Variants in WNT3A observed in about 807,000 individuals in gnomAD.
WNT3A encodes Wnt family member 3A.
A neutral mutation model predicts 37.0 loss-of-function variants in WNT3A; 17 were observed. The ratio of observed to expected loss-of-function variants is 0.46; its 90% CI spans 0.31 to 0.69. WNT3A has a LOEUF of 0.69. Ranked by LOEUF, WNT3A falls within the 30% of genes least tolerant of loss-of-function variation. The pLI is 0.05. For synonymous variants in WNT3A, 187 were observed against 211.0 expected (o/e 0.89, Z 0.99); for missense variants, 411 against 510.2 (o/e 0.81, Z 1.87).
Position 228,050,551 on chromosome 1 carries a change from C to T in WNT3A, c.314-105C>T. 1 of 1,406,944 alleles carries T rather than the reference C, an allele frequency of 7.1e-7. No homozygotes were observed. The highest frequency in any genetic ancestry group is 9.4e-7 in the Non-Finnish European group (1 of 1,060,770). The allele number at this position is 1,406,944 out of a possible 1,614,324, so 87.2% of individuals were successfully genotyped here. The stretch of plus-strand genomic sequence containing the variant: ...CTTTGCCTTATACACCACCCAACCT[C>T]ACGAGTTCCTTTATAACAATGCAAA... On this transcript the variant is annotated intron_variant, in intron 2 of 3. Coordinates refer to ENST00000284523, the MANE Select transcript of WNT3A (RefSeq NM_033131.4). This position sits in a 1 kb window ranked among gnomAD's most constrained non-coding sequence, Gnocchi z 5.0.
intron 3 of WNT3A, among the ~76,000 whole-genome samples, chr1:228,058,048 G>A (rs1003334164): frequency 4.6e-5 from 7 of 152,260 alleles, no homozygotes; most frequent in Admixed American, 2.0e-4. Context: ...TGAGCCACCC[G>A]CCTTGGCCTC....
chr1:228,047,486 C>G (rs796714192), intron 2 of WNT3A, among the ~76,000 whole-genome samples: 1 of 152,102 alleles, frequency 6.6e-6, no homozygotes, highest in Non-Finnish European at 1.5e-5. Flanking sequence ...TGCACACTCA[C>G]TCGTGCCTTT....
At position 228,050,886 on chromosome 1, in the gene WNT3A, G is replaced by A; in HGVS notation, c.544G>A (p.Ala182Thr). 1 of 1,556,230 alleles carries A rather than the reference G, an allele frequency of 6.4e-7. No individual in the cohort carries two copies. Residue 182 changes from alanine (A) to threonine (T), a missense_variant, in exon 3 of 4, where the codon GCC becomes ACC. Transcript: ENST00000284523. The surrounding 1 kb of genome is among the most constrained non-coding windows in gnomAD (Gnocchi z 5.0). ...GGAGAACCGGCCAGATGCCCGCTCAGCCATGAACCGCCACAACAACGAGGC... is the reference window on the plus strand; with the variant it reads ...GGAGAACCGGCCAGATGCCCGCTCAACCATGAACCGCCACAACAACGAGGC... ...ARENRPDARS[A>T]MNRHNNEAGR...
rs2031191299 is a variant in WNT3A at position 228,038,291 on chromosome 1, G to A, written c.314-12365G>A. On this transcript the variant is annotated intron_variant, in intron 2 of 3. Transcript: ENST00000284523. This position sits in a 1 kb window ranked among gnomAD's most constrained non-coding sequence, Gnocchi z 5.7. ...CCGGGCGTCGGCTCCGGCGGGCTCC[G>A]GCGGGGACCGGGGCGCGGGCTGAGT... is the stretch of plus-strand genomic sequence containing the variant. Among the ~76,000 whole-genome samples, 1 of 152,096 alleles carries A rather than the reference G, an allele frequency of 6.6e-6. No individual in the cohort carries two copies. The highest frequency in any genetic ancestry group is 2.4e-5 in the African/African-American group (1 of 41,436).
chr1:228,034,287 C>T (rs1177009055), intron 2 of WNT3A, among the ~76,000 whole-genome samples: 2 of 152,154 alleles, frequency 1.3e-5, no homozygotes, highest in Non-Finnish European at 2.9e-5. Context: ...CATACGCACA[C>T]ACACATACAC....
At chr1:228,054,099 G>C (rs993165858) in intron 3 of WNT3A, among the ~76,000 whole-genome samples, 2 of 152,150 alleles carry the variant, frequency 1.3e-5, no homozygotes, top group Non-Finnish European at 1.5e-5. Context: ...GCCATCTCTG[G>C]TAAATCCTTC....
At position 228,007,345 on chromosome 1, in the gene WNT3A, T is replaced by G; in HGVS notation, c.71+146T>G. The G allele has an allele frequency of 2.7e-6, 2 of 730,268 alleles. No individual in the cohort carries two copies. Among genetic ancestry groups the G allele is most frequent in the Non-Finnish European group, 4.1e-6 (2 of 482,408 alleles). The allele number at this position is 730,268 out of a possible 1,614,324, so 45.2% of individuals were successfully genotyped here. ...CGGGCCGCGGGCGGTTGGTTTTCCT[T>G]GACGGCCACTTTGGACCTGTTCAGG... On this transcript the variant is annotated intron_variant, in intron 1 of 3. Coordinates refer to ENST00000284523, the MANE Select transcript of WNT3A (RefSeq NM_033131.4). The surrounding 1 kb of genome is among the most constrained non-coding windows in gnomAD (Gnocchi z 6.0).
rs1308522963 is a variant in WNT3A, at chr1:228,031,832, G to C, written c.313+8924G>C. ...ATGGGCAACATATACACTGCAAAAG[G>C]CCAAGAGCACCAGACTGGGCCCTGT... On this transcript the variant is annotated intron_variant, in intron 2 of 3. Coordinates refer to ENST00000284523, the MANE Select transcript of WNT3A (RefSeq NM_033131.4). The surrounding 1 kb of genome is among the most constrained non-coding windows in gnomAD (Gnocchi z 4.8). 6.6e-6 allele frequency among the ~76,000 whole-genome samples: 1 copy of C among 152,116 alleles called. No homozygotes were observed. Among genetic ancestry groups the C allele is most frequent in the Admixed American group, 6.5e-5 (1 of 15,272 alleles).
intron 3 of WNT3A, among the ~76,000 whole-genome samples, chr1:228,055,446 T>C (rs74899406): frequency 0.014 from 2,053 of 151,378 alleles, 47 homozygotes; most frequent in African/African-American, 0.047. Flanking sequence ...ATATAGATGA[T>C]AGATATAAAT....
chr1:228,017,723 T>A (rs939389279), intron 1 of WNT3A, among the ~76,000 whole-genome samples: 7 of 151,970 alleles, frequency 4.6e-5, no homozygotes, highest in African/African-American at 1.5e-4. Flanking sequence ...TTAATAAAAT[T>A]TAACAAATAA....
At chr1:228,032,078 C>T (rs1188764431) in intron 2 of WNT3A, among the ~76,000 whole-genome samples, 1 of 152,194 alleles carries the variant, frequency 6.6e-6, no homozygotes, top group African/African-American at 2.4e-5. Flanking sequence ...TCATTGCCCT[C>T]CAGAATGTCA....
At chr1:228,010,334 G>A (rs1047203617) in intron 1 of WNT3A, among the ~76,000 whole-genome samples, 11 of 152,020 alleles carry the variant, frequency 7.2e-5, no homozygotes, top group African/African-American at 1.7e-4. Flanking sequence ...TGTGCCTCCC[G>A]CCACCGCCTC....
chr1:228,036,152 C>T (rs1383212312), intron 2 of WNT3A, among the ~76,000 whole-genome samples: 1 of 152,192 alleles, frequency 6.6e-6, no homozygotes, highest in Non-Finnish European at 1.5e-5. Flanking sequence ...AAGGTCACCC[C>T]AGGCTTTGTG....
At chr1:228,023,038 C>A in intron 2 of WNT3A, 130 bp downstream of exon 2, 2 of 1,401,022 alleles carry the variant, frequency 1.4e-6, no homozygotes, top group South Asian at 1.5e-5. Context: ...GGGTCCTTCC[C>A]GCTTACCTCC....
In WNT3A at chr1:228,045,258, G is replaced by A. The variant is rs187657182; in HGVS notation, c.314-5398G>A. Among the ~76,000 whole-genome samples the A allele has an allele frequency of 1.3e-3, 196 of 152,340 alleles. 1 individual carries two copies. Among genetic ancestry groups the A allele is most frequent in the African/African-American group, 4.4e-3 (185 of 41,576 alleles). ...CCAGAAGCTCAGGAGCAAGAGGGAG[G>A]GGCTGGCCTTGGAGACAGACTCTTG... On this transcript the variant is annotated intron_variant, in intron 2 of 3. Coordinates refer to ENST00000284523, the MANE Select transcript of WNT3A (RefSeq NM_033131.4).
rs1019880661 is a variant in WNT3A at position 228,059,805 on chromosome 1, T to G, written c.*340T>G. 7.1e-5 allele frequency: 78 copies of G among 1,102,842 alleles called. 1 individual carries two copies. The African/African-American group carries it at 1.2e-3, about 17-fold the overall frequency. The allele number at this position is 1,102,842 out of a possible 1,614,324, so 68.3% of individuals were successfully genotyped here. A position where few individuals can be genotyped will look rare whatever the true frequency, so the allele number is the denominator to read the frequency against. ...GGCTTCTCTTGGGTGGGACAGGGCTTCTCCTGCGGGGGCGAGGCCCCTCCC... is the reference window on the plus strand; with the variant it reads ...GGCTTCTCTTGGGTGGGACAGGGCTGCTCCTGCGGGGGCGAGGCCCCTCCC... On this transcript the variant is annotated 3_prime_UTR_variant, in exon 4 of 4. Transcript: ENST00000284523.
chr1:228,009,681 T>C (rs1156569210), intron 1 of WNT3A, among the ~76,000 whole-genome samples: 1 of 151,602 alleles, frequency 6.6e-6, no homozygotes, highest in East Asian at 2.0e-4. Flanking sequence ...CACATGAAAG[T>C]GAAAGTGAAG....
intron 2 of WNT3A, among the ~76,000 whole-genome samples, chr1:228,029,824 T>A (rs2030956720): frequency 6.6e-6 from 1 of 150,836 alleles, no homozygotes; most frequent in Non-Finnish European, 1.5e-5. Flanking sequence ...GGTCAGGTCA[T>A]GAGGATAAAG....
intron 2 of WNT3A, among the ~76,000 whole-genome samples, chr1:228,033,638 T>A (rs548841409): frequency 6.6e-6 from 1 of 152,374 alleles, no homozygotes; most frequent in African/African-American, 2.4e-5. Flanking sequence ...TTATTTTGGC[T>A]ATTTGGAGAC....
Sources: gnomAD v4.1 joint callset for allele counts (sites outside exome capture counted in the v4.1 genomes callset) on GRCh38, gnomAD v4.1.1 for gene constraint, Gnocchi (gnomAD v3.1) non-coding constraint, MANE v1.5 for transcripts, NCBI Gene and HGNC (gene_info 2026-07-23, HGNC 2026-07-21) for gene names.